BMPER: variants seen among roughly 807,000 people sequenced by gnomAD.
BMPER encodes the protein BMP binding endothelial regulator.
A neutral mutation model predicts 87.3 loss-of-function variants in BMPER; 45 were observed. That is an observed-to-expected ratio of 0.52 (90% CI 0.41 to 0.66). The LOEUF (loss-of-function observed/expected upper bound fraction) is 0.66, where lower values mean the gene tolerates loss of function less well. BMPER is among the 30% of genes least tolerant of loss of function. The pLI, the probability that BMPER is intolerant of heterozygous loss-of-function variation, is 0.00. For synonymous variants in BMPER, 326 were observed against 316.2 expected (o/e 1.03, Z -0.33); for missense variants, 784 against 867.5 (o/e 0.90, Z 1.21).
At chr7:33,935,878 A>T (rs1784589313) in intron 2 of BMPER, among the ~76,000 whole-genome samples, 1 of 152,174 alleles carries the variant, frequency 6.6e-6, no homozygotes, top group Admixed American at 6.5e-5. Flanking sequence ...TTTGAGCAAC[A>T]CCGGTCGTGG....
intron 3 of BMPER, among the ~76,000 whole-genome samples, chr7:33,965,626 C>G (rs1785386559): frequency 6.6e-6 from 1 of 152,056 alleles, no homozygotes; most frequent in South Asian, 2.1e-4. Flanking sequence ...ATCTCTTTGC[C>G]TAGTGGGCTT....
Position 34,078,838 on chromosome 7 carries a change from G to T in BMPER, c.1079-19G>T. ...TGGCTTGGTTTGTGACCCGGCTTTT[G>T]TCTCTCACTCCTCCGCAGAGCCCGG... is the stretch of plus-strand genomic sequence containing the variant. On this transcript the variant is annotated intron_variant, in intron 11 of 14. Transcript: ENST00000649409. The T allele has an allele frequency of 1.2e-6, 2 of 1,613,662 alleles. No individual in the cohort carries two copies.
intron 13 of BMPER, among the ~76,000 whole-genome samples, chr7:34,114,686 G>A (rs542171374): frequency 6.6e-6 from 1 of 152,354 alleles, no homozygotes; most frequent in East Asian, 1.9e-4. Flanking sequence ...TAGACATGAT[G>A]TGGTCCTTGG....
At chr7:34,042,530 A>G (rs1787858482) in intron 6 of BMPER, 1 of 152,214 alleles carries the variant, frequency 6.6e-6, no homozygotes, top group Admixed American at 6.5e-5. Flanking sequence ...ATTAACACCA[A>G]CAAACAGTAC....
intron 6 of BMPER, among the ~76,000 whole-genome samples, chr7:34,004,348 C>G (rs1044325753): frequency 6.6e-6 from 1 of 151,970 alleles, no homozygotes; most frequent in African/African-American, 2.4e-5. Flanking sequence ...TTTATAATAG[C>G]TGGTTTAAAG....
intron 14 of BMPER, among the ~76,000 whole-genome samples, chr7:34,152,246 G>A (rs1791194630): frequency 6.6e-6 from 1 of 152,138 alleles, no homozygotes; most frequent in Non-Finnish European, 1.5e-5. Flanking sequence ...TTCTTGGAGG[G>A]TCCCTGATCT....
intron 6 of BMPER, among the ~76,000 whole-genome samples, chr7:34,024,251 G>C (rs1365045260): frequency 6.7e-6 from 1 of 148,296 alleles, no homozygotes; most frequent in South Asian, 2.2e-4. Flanking sequence ...CCAGCTACTG[G>C]GGAGGCTGAG....
chr7:34,004,117 A>G (rs531136980), intron 6 of BMPER, among the ~76,000 whole-genome samples: 5 of 152,140 alleles, frequency 3.3e-5, no homozygotes, highest in African/African-American at 1.2e-4. Flanking sequence ...CTTGGACTAA[A>G]TAATGTCAAA....
At chr7:33,905,496 C>T, upstream of BMPER, 1 of 1,470,782 alleles carries the variant, frequency 6.8e-7, no homozygotes, top group Non-Finnish European at 9.1e-7. Context: ...CGCCTCCCTC[C>T]TTCGCGGACG....
At chr7:34,055,426 T>G in intron 9 of BMPER, 123 bp downstream of exon 9, 1 of 1,198,618 alleles carries the variant, frequency 8.3e-7, no homozygotes, top group Non-Finnish European at 1.2e-6. Flanking sequence ...TGTATATGTG[T>G]GCATATATTA....
intron 6 of BMPER, among the ~76,000 whole-genome samples, chr7:33,984,239 G>A (rs530081640): frequency 3.9e-5 from 6 of 152,206 alleles, no homozygotes; most frequent in East Asian, 1.9e-4. Context: ...AGGCCGAGGC[G>A]GGTGGATCAC....
chr7:33,905,635 G>C lies in BMPER; in HGVS notation c.22G>C (p.Gly8Arg), dbSNP rs763314776. The C allele has an allele frequency of 4.3e-6, 7 of 1,613,026 alleles. No homozygotes were observed. Among genetic ancestry groups the C allele is most frequent in the South Asian group, 2.2e-5 (2 of 91,044 alleles). Residue 8 changes from glycine (G) to arginine (R), a missense_variant, in exon 1 of 15, where the codon GGG becomes CGG. Gly to Arg is a moderately radical substitution (Grantham distance 125). Coordinates refer to ENST00000649409, the MANE Select transcript of BMPER (RefSeq NM_001365308.1). The part of the protein sequence containing the change: MLWFSGV[G>R]ALAERYCRRS... The stretch of plus-strand genomic sequence containing the variant: ...GACGATGCTCTGGTTCTCCGGCGTC[G>C]GGGCTCTGGCTGAGCGTTACTGCCG...
At position 34,049,082 on chromosome 7, in the gene BMPER, A is replaced by G. The variant is rs181447291; in HGVS notation, c.676+2677A>G. 3.4e-3 allele frequency among the ~76,000 whole-genome samples: 519 copies of G among 152,318 alleles called. 15 individuals are homozygous for G. The highest frequency in any genetic ancestry group is 1.1e-3 in the Non-Finnish European group (74 of 68,034). On this transcript the variant is annotated intron_variant, in intron 7 of 14. Transcript: ENST00000649409. ...TTAAATTTTCCCTTGGGCAGGGTTC[A>G]TTCACATGATATACCTCTGCCTTTT...
intron 6 of BMPER, among the ~76,000 whole-genome samples, chr7:33,998,113 A>C (rs1786471094): frequency 6.6e-6 from 1 of 152,204 alleles, no homozygotes; most frequent in Non-Finnish European, 1.5e-5. Flanking sequence ...AGCACATTGT[A>C]GGTGCTCAAC....
intron 11 of BMPER, among the ~76,000 whole-genome samples, chr7:34,074,130 T>C (rs1457552779): frequency 6.6e-6 from 1 of 152,270 alleles, no homozygotes; most frequent in Non-Finnish European, 1.5e-5. Flanking sequence ...ATTCATAACA[T>C]TTAACAATGT....
intron 11 of BMPER, among the ~76,000 whole-genome samples, chr7:34,062,542 C>T (rs1251476693): frequency 1.3e-5 from 2 of 149,660 alleles, no homozygotes; most frequent in African/African-American, 2.5e-5. Context: ...AAGAAGTCAT[C>T]GGGCTGATGG....
chr7:34,060,854 A>T (rs1788417715), intron 10 of BMPER, among the ~76,000 whole-genome samples: 1 of 152,242 alleles, frequency 6.6e-6, no homozygotes. Flanking sequence ...TGAGGAATGC[A>T]TAGCACTCAG....
intron 13 of BMPER, among the ~76,000 whole-genome samples, chr7:34,131,005 C>G (rs552155694): frequency 6.6e-6 from 1 of 151,994 alleles, no homozygotes; most frequent in South Asian, 2.1e-4. Context: ...GTTCTGGGGC[C>G]TTTTAGGCAA....
intron 13 of BMPER, among the ~76,000 whole-genome samples, chr7:34,113,993 A>G (rs1583452738): frequency 1.3e-5 from 2 of 152,106 alleles, no homozygotes; most frequent in African/African-American, 4.8e-5. Context: ...TCTCTTACTG[A>G]CAGCATTTAT....
Sources: gnomAD v4.1 joint callset for allele counts (sites outside exome capture counted in the v4.1 genomes callset) on GRCh38, gnomAD v4.1.1 for gene constraint, MANE v1.5 for transcripts, NCBI Gene and HGNC (gene_info 2026-07-23, HGNC 2026-07-21) for gene names.